SCML4: variants seen among roughly 807,000 people sequenced by gnomAD.
The protein encoded by SCML4 is sex comb on midleg-like protein 4.
SCML4 carries 34 observed loss-of-function variants against 41.1 expected under a neutral mutation model. That is an observed-to-expected ratio of 0.83 (90% confidence interval 0.63 to 1.10). The LOEUF is 1.10. Among genes scored for constraint, SCML4 ranks in the 50% least tolerant of loss-of-function variants. The probability of loss-of-function intolerance (pLI) is 0.00; values close to 1 mark genes in which losing one functional copy is unlikely to be tolerated. For missense variants in SCML4, 522 were observed against 534.1 expected (o/e 0.98, Z 0.22); for synonymous variants, 214 against 220.9 (o/e 0.97, Z 0.28).
Position 107,704,905 on chromosome 6 carries a change from T to C in SCML4, c.*295A>G. On this transcript the variant is annotated 3_prime_UTR_variant, in exon 8 of 8. Coordinates refer to ENST00000369020, the MANE Select transcript of SCML4 (RefSeq NM_198081.5). ...TGGGCATAAGCATTCAGTTCCCCAC[T>C]CTCTCGTTATGCAAATAGGACCCAC... 4.6e-6 allele frequency: 2 copies of C among 435,020 alleles called. No homozygotes were observed. The highest frequency in any genetic ancestry group is 5.1e-5 in the East Asian group (1 of 19,738). The allele number at this position is 435,020 out of a possible 1,614,324, so 26.9% of individuals were successfully genotyped here.
chr6:107,838,724 G>A, the SCML4 span, among the ~76,000 whole-genome samples: 10 of 152,126 alleles, frequency 6.6e-5, no homozygotes, highest in African/African-American at 1.4e-4. Flanking sequence ...TTACATCTCC[G>A]GGGGACGGTT....
chr6:107,722,885 T>C (rs1377037070), intron 5 of SCML4, among the ~76,000 whole-genome samples: 1 of 151,644 alleles, frequency 6.6e-6, no homozygotes, highest in African/African-American at 2.4e-5. Flanking sequence ...CATAAGACAC[T>C]GGAAAAAAAA....
chr6:107,720,516 C>T, intron 6 of SCML4, 187 bp downstream of exon 6: 8 of 1,377,068 alleles, frequency 5.8e-6, no homozygotes, highest in Non-Finnish European at 7.5e-6. Flanking sequence ...ATTTTCTTTG[C>T]TTATCAAAGG....
chr6:107,824,487 TGTG>T (rs1785169919), upstream of SCML4, among the ~76,000 whole-genome samples: 1 of 142,524 alleles, frequency 7.0e-6, no homozygotes, highest in Non-Finnish European at 1.5e-5. Flanking sequence ...TGTGTGTGTG[TGTG>T]TGTGTGTGTG....
chr6:107,824,724 A>T (rs1583690917), upstream of SCML4, among the ~76,000 whole-genome samples: 1 of 152,168 alleles, frequency 6.6e-6, no homozygotes, highest in Non-Finnish European at 1.5e-5. Context: ...AGACTGTAAC[A>T]TCGTCTCTTT....
chr6:107,800,334 C>G (rs1438487456), intron 1 of SCML4, among the ~76,000 whole-genome samples: 1 of 152,130 alleles, frequency 6.6e-6, no homozygotes, highest in African/African-American at 2.4e-5. Context: ...TTTTCTCTAT[C>G]TAGGGGCTAT....
intron 1 of SCML4, among the ~76,000 whole-genome samples, chr6:107,780,860 C>A (rs1781433669): frequency 6.6e-6 from 1 of 151,794 alleles, no homozygotes; most frequent in African/African-American, 2.4e-5. Flanking sequence ...ATCATCGGTG[C>A]TAAGAGGACA....
At chr6:107,798,762 C>T (rs1219823175) in intron 1 of SCML4, among the ~76,000 whole-genome samples, 2 of 152,044 alleles carry the variant, frequency 1.3e-5, no homozygotes, top group Admixed American at 1.3e-4. Context: ...TCCCTTTAGT[C>T]ACATCCAACA....
At chr6:107,831,276 G>A in the SCML4 span, among the ~76,000 whole-genome samples, 1 of 151,956 alleles carries the variant, frequency 6.6e-6, no homozygotes, top group Non-Finnish European at 1.5e-5. Flanking sequence ...GATCACCTGA[G>A]GTTCCATCTC....
intron 2 of SCML4, among the ~76,000 whole-genome samples, chr6:107,760,773 C>T (rs936896429): frequency 3.9e-5 from 6 of 151,978 alleles, no homozygotes; most frequent in African/African-American, 1.4e-4. Context: ...AATGAAGCCC[C>T]CCAAATATTA....
intron 2 of SCML4, among the ~76,000 whole-genome samples, chr6:107,769,967 A>C (rs1780384565): frequency 6.6e-6 from 1 of 152,210 alleles, no homozygotes; most frequent in Non-Finnish European, 1.5e-5. Flanking sequence ...GTAATATCTT[A>C]CTTTGCTTGG....
At chr6:107,802,576 GAGGGAGGAAGGAAGGAAGGAAGGA>G (rs1221987050) in intron 1 of SCML4, among the ~76,000 whole-genome samples, 4 of 51,244 alleles carry the variant, frequency 7.8e-5, no homozygotes, top group Non-Finnish European at 2.1e-4. Flanking sequence ...TCGAGGGAGG[GAGGGAGGAAGGAAGGAAGGAAGGA>G]AGGAAGGAAG....
At chr6:107,776,615 G>C (rs1243042403) in intron 1 of SCML4, among the ~76,000 whole-genome samples, 1 of 152,154 alleles carries the variant, frequency 6.6e-6, no homozygotes, top group Non-Finnish European at 1.5e-5. Context: ...CACTCTCATT[G>C]ATTGTTGGCA....
intron 1 of SCML4, among the ~76,000 whole-genome samples, chr6:107,817,478 G>T (rs188879028): frequency 6.6e-6 from 1 of 151,932 alleles, no homozygotes; most frequent in African/African-American, 2.4e-5. Flanking sequence ...TTATCTAGGT[G>T]TGGTGGCAGG....
chr6:107,827,792 TG>T (rs954099687), upstream of SCML4, among the ~76,000 whole-genome samples: 1 of 152,206 alleles, frequency 6.6e-6, no homozygotes, highest in African/African-American at 2.4e-5. Flanking sequence ...CAAGTTAATT[TG>T]GGGGCGTCCC....
intron 1 of SCML4, among the ~76,000 whole-genome samples, chr6:107,773,400 T>G (rs943303089): frequency 6.6e-6 from 1 of 152,064 alleles, no homozygotes; most frequent in Non-Finnish European, 1.5e-5. Flanking sequence ...GAGACTAGCC[T>G]GGACAACATA....
intron 1 of SCML4, among the ~76,000 whole-genome samples, chr6:107,776,714 C>G (rs1780980780): frequency 6.6e-6 from 1 of 152,146 alleles, no homozygotes; most frequent in Non-Finnish European, 1.5e-5. Context: ...AACTTTATCA[C>G]TCCTGAGGAT....
intron 2 of SCML4, chr6:107,755,635 G>A: frequency 7.5e-7 from 1 of 1,337,102 alleles, no homozygotes; most frequent in South Asian, 1.2e-5. Context: ...TCTCTGGCAG[G>A]GCATTTGTCT....
At chr6:107,766,263 A>G (rs1007427134) in intron 2 of SCML4, among the ~76,000 whole-genome samples, 5 of 151,706 alleles carry the variant, frequency 3.3e-5, no homozygotes, top group Non-Finnish European at 7.4e-5. Flanking sequence ...CCAGCTACTC[A>G]GGAGGCTGAG....
Sources: gnomAD v4.1 joint callset for allele counts (sites outside exome capture counted in the v4.1 genomes callset) on GRCh38, gnomAD v4.1.1 for gene constraint, MANE v1.5 for transcripts, NCBI Gene and HGNC (gene_info 2026-07-23, HGNC 2026-07-21) for gene names.